TC2N: variants seen among roughly 807,000 people sequenced by gnomAD.
TC2N encodes the protein tandem C2 domains nuclear protein.
Under a neutral mutation model 61.9 loss-of-function variants are expected in TC2N, and 51 were observed. The ratio of observed to expected loss-of-function variants is 0.82; its 90% CI spans 0.66 to 1.04. TC2N has a LOEUF of 1.04. Ranked by LOEUF, TC2N falls within the 50% of genes least tolerant of loss-of-function variation. TC2N has a pLI of 0.00. For synonymous variants in TC2N, 204 were observed against 192.6 expected (o/e 1.06, Z -0.49); for missense variants, 556 against 566.7 (o/e 0.98, Z 0.19).
At chr14:91,789,023 T>C (rs1366883642) in intron 9 of TC2N, among the ~76,000 whole-genome samples, 2 of 152,200 alleles carry the variant, frequency 1.3e-5, no homozygotes, top group African/African-American at 4.8e-5. Flanking sequence ...AAAATATATT[T>C]TAAAAGATAG....
chr14:91,812,394 T>C lies in TC2N; in HGVS notation c.219A>G (p.Val73=). 1 of 1,612,870 alleles carries C rather than the reference T, an allele frequency of 6.2e-7. No individual in the cohort carries two copies. Among genetic ancestry groups the C allele is most frequent in the South Asian group, 1.1e-5 (1 of 91,000 alleles). ...ACTTAAACTTGGGCACCACAAATGG[T>C]ACTTCTTTGCCATCAGATGGTAATT... ...LSKLPSDGKE[V]PFVVPKFKLS... The change falls in exon 3 of 12, where the codon GTA becomes GTG. Residue 73 remains valine (V), a synonymous_variant. Coordinates refer to ENST00000435962, the MANE Select transcript of TC2N (RefSeq NM_001128596.3).
chr14:91,835,676 C>G (rs1337047978), intron 1 of TC2N, among the ~76,000 whole-genome samples: 1 of 152,200 alleles, frequency 6.6e-6, no homozygotes, highest in Non-Finnish European at 1.5e-5. Flanking sequence ...AATCTAAAAC[C>G]TAGCTGGGTA....
Position 91,797,853 on chromosome 14 carries a change from A to G in TC2N, c.787T>C (p.Ser263Pro). 1 of 1,611,114 alleles carries G rather than the reference A, an allele frequency of 6.2e-7. No homozygotes were observed. The highest frequency in any genetic ancestry group is 8.5e-7 in the Non-Finnish European group (1 of 1,178,250). ...GGCAATGTAAGTATTCCTTTTATAG[A>G]AACAGTAGGAGTGTCTCCATAACTA... ...PSSYGDTPTV[S>P]IKGILTLPKP... is the part of the protein sequence containing the mutation. Residue 263 changes from serine (S) to proline (P), a missense_variant, in exon 8 of 12, where the codon TCT (serine) becomes CCT (proline). Physicochemically the swap from Ser to Pro is moderately conservative, Grantham distance 74. Coordinates refer to ENST00000435962, the MANE Select transcript of TC2N (RefSeq NM_001128596.3).
intron 1 of TC2N, among the ~76,000 whole-genome samples, chr14:91,840,899 T>G (rs1888151971): frequency 6.6e-6 from 1 of 152,092 alleles, no homozygotes; most frequent in African/African-American, 2.4e-5. Context: ...GAACTAATCA[T>G]GAGAGTCTCA....
chr14:91,792,600 G>T, intron 8 of TC2N, 42 bp from the exon 9 acceptor site: 2 of 962,080 alleles, frequency 2.1e-6, no homozygotes, highest in Non-Finnish European at 3.0e-6. Flanking sequence ...ATAAATAAAA[G>T]GCTTATATGC....
At chr14:91,798,495 A>C in intron 6 of TC2N, 96 bp from the exon 7 acceptor site, 1 of 694,580 alleles carries the variant, frequency 1.4e-6, no homozygotes, top group Non-Finnish European at 2.5e-6. Context: ...CACAATTTTA[A>C]AATGCTACAA....
intron 1 of TC2N, among the ~76,000 whole-genome samples, chr14:91,815,609 A>G (rs1886972011): frequency 1.3e-5 from 2 of 151,640 alleles, no homozygotes; most frequent in Admixed American, 6.6e-5. Flanking sequence ...GGAGGTTTTA[A>G]ACATATGCGA....
chr14:91,855,783 G>A (rs557555935), intron 1 of TC2N, among the ~76,000 whole-genome samples: 4 of 152,306 alleles, frequency 2.6e-5, no homozygotes, highest in East Asian at 1.9e-4. Context: ...GGTGCGGGGC[G>A]AGGGGAGTTG....
chr14:91,815,105 TAAAG>T (rs1460109590), intron 1 of TC2N, among the ~76,000 whole-genome samples: 6 of 151,600 alleles, frequency 4.0e-5, no homozygotes, highest in Non-Finnish European at 5.9e-5. Flanking sequence ...AAAAAGCTGA[TAAAG>T]AAACTAAGTA....
intron 10 of TC2N, among the ~76,000 whole-genome samples, chr14:91,785,782 T>A (rs1885337624): frequency 6.6e-6 from 1 of 152,008 alleles, no homozygotes; most frequent in Non-Finnish European, 1.5e-5. Context: ...AGATAAAATC[T>A]GTACTTTAAA....
chr14:91,840,102 T>G (rs548294914), intron 1 of TC2N, among the ~76,000 whole-genome samples: 2 of 152,348 alleles, frequency 1.3e-5, no homozygotes, highest in South Asian at 4.1e-4. Context: ...ATGCTAACCA[T>G]TGCTAAAGCT....
chr14:91,790,061 G>A (rs546128586), intron 9 of TC2N, among the ~76,000 whole-genome samples: 7 of 152,272 alleles, frequency 4.6e-5, no homozygotes, highest in African/African-American at 1.7e-4. Context: ...TATAACCTCA[G>A]GCAAGTGTTC....
chr14:91,822,815 C>T (rs927418324), intron 1 of TC2N, among the ~76,000 whole-genome samples: 3 of 150,508 alleles, frequency 2.0e-5, no homozygotes, highest in South Asian at 2.1e-4. Context: ...TCTGGGTTCA[C>T]GCCATTCTCC....
intron 8 of TC2N, among the ~76,000 whole-genome samples, 160 bp downstream of exon 8, chr14:91,797,625 A>AT (rs1483130629): frequency 6.6e-6 from 1 of 151,734 alleles, no homozygotes; most frequent in Non-Finnish European, 1.5e-5. Flanking sequence ...AATATCAAAT[A>AT]TTTTTCAGAC....
intron 8 of TC2N, among the ~76,000 whole-genome samples, chr14:91,794,866 T>C (rs1885824213): frequency 6.6e-6 from 1 of 152,170 alleles, no homozygotes; most frequent in South Asian, 2.1e-4. Flanking sequence ...CTGCCATAGA[T>C]AGTGATTCCT....
intron 1 of TC2N, among the ~76,000 whole-genome samples, chr14:91,850,545 T>C (rs2139917727): frequency 6.6e-6 from 1 of 152,352 alleles, no homozygotes; most frequent in East Asian, 1.9e-4. Flanking sequence ...CTCTGCCTCC[T>C]GTGAGATCAG....
At chr14:91,789,158 T>C (rs1488773944) in intron 9 of TC2N, among the ~76,000 whole-genome samples, 1 of 152,208 alleles carries the variant, frequency 6.6e-6, no homozygotes, top group Non-Finnish European at 1.5e-5. Context: ...AAACGTCTCT[T>C]ATTGTTACAC....
chr14:91,800,513 T>C (rs985079475), intron 4 of TC2N, 141 bp from the exon 5 acceptor site: 1 of 437,920 alleles, frequency 2.3e-6, no homozygotes, highest in Non-Finnish European at 4.0e-6. Context: ...CTAATAAAAA[T>C]TTTTTAAACT....
rs139633779 is a variant in TC2N, at chr14:91,819,528, C to T, written c.-56-5703G>A. Among the ~76,000 whole-genome samples the T allele has an allele frequency of 7.9e-5, 12 of 152,202 alleles. No individual in the cohort carries two copies. The East Asian group carries it at 2.3e-3, about 29-fold the overall frequency. ...ATACAAAAGTTGAAAGAACATATTA[C>T]CAACAGAGCTACACCACAAGAAGTG... On this transcript the variant is annotated intron_variant, in intron 1 of 11. Coordinates refer to ENST00000435962, the MANE Select transcript of TC2N (RefSeq NM_001128596.3).
Sources: gnomAD v4.1 joint callset for allele counts (sites outside exome capture counted in the v4.1 genomes callset) on GRCh38, gnomAD v4.1.1 for gene constraint, MANE v1.5 for transcripts, NCBI Gene and HGNC (gene_info 2026-07-23, HGNC 2026-07-21) for gene names.